Variants in RBFOX1 observed in about 807,000 individuals in gnomAD.
RBFOX1 encodes RNA binding fox-1 homolog 1, also known as RNA binding protein fox-1 homolog 1.
A neutral mutation model predicts 57.7 loss-of-function variants in RBFOX1; 8 were observed. That is an observed-to-expected ratio of 0.14 (90% confidence interval 0.08 to 0.25). RBFOX1 has a LOEUF of 0.25. Among genes scored for constraint, RBFOX1 ranks in the 10% least tolerant of loss-of-function variants. The probability of loss-of-function intolerance (pLI) is 1.00; values close to 1 mark genes in which losing one functional copy is unlikely to be tolerated. For missense variants in RBFOX1, 611 were observed against 548.5 expected (o/e 1.11, Z -1.14); for synonymous variants, 326 against 222.4 (o/e 1.47, Z -4.15).
At position 7,337,589 on chromosome 16, in the gene RBFOX1, C is replaced by A. The variant is rs549980813; in HGVS notation, c.28-180558C>A. On this transcript the variant is annotated intron_variant, in intron 4 of 15. Coordinates refer to ENST00000550418, the MANE Select transcript of RBFOX1 (RefSeq NM_018723.4). ...GGGAGGAATCTCAACAATGGAACTC[C>A]TAAGCACTGCGTCTCTGCAAGCTCA... is the stretch of plus-strand genomic sequence containing the variant. 2.0e-5 allele frequency among the ~76,000 whole-genome samples: 3 copies of A among 152,274 alleles called. No homozygotes were observed. The Middle Eastern group carries it at 0.01, about 518-fold the overall frequency.
intron 4 of RBFOX1, among the ~76,000 whole-genome samples, chr16:7,485,365 C>T (rs942478894): frequency 6.6e-6 from 1 of 152,236 alleles, no homozygotes; most frequent in Non-Finnish European, 1.5e-5. Context: ...AGACATTTTC[C>T]CATCCTCTGC....
intron 9 of RBFOX1, among the ~76,000 whole-genome samples, chr16:7,605,118 G>C (rs1012864848): frequency 1.3e-5 from 2 of 152,094 alleles, no homozygotes; most frequent in African/African-American, 4.8e-5. Context: ...TAGACTCCAA[G>C]TTGAAATGTA....
chr16:6,232,756 T>A (rs2152907301), intron 1 of RBFOX1, among the ~76,000 whole-genome samples: 1 of 152,326 alleles, frequency 6.6e-6, no homozygotes, highest in East Asian at 1.9e-4. Context: ...AGTTCATTAA[T>A]GCAGTGACCT....
intron 3 of RBFOX1, among the ~76,000 whole-genome samples, chr16:5,738,099 A>G (rs2052644886): frequency 2.0e-5 from 3 of 151,464 alleles, no homozygotes; most frequent in Admixed American, 2.0e-4. Flanking sequence ...GAGTGAGAAC[A>G]TGCAGTGTTT....
chr16:5,757,639 C>G (rs2053447907), intron 3 of RBFOX1, among the ~76,000 whole-genome samples: 2 of 151,930 alleles, frequency 1.3e-5, no homozygotes, highest in South Asian at 4.2e-4. Flanking sequence ...GTAGACGTGA[C>G]CCAGGAGGAA....
intron 3 of RBFOX1, among the ~76,000 whole-genome samples, chr16:5,648,418 C>G (rs1367664175): frequency 2.0e-5 from 3 of 152,164 alleles, no homozygotes; most frequent in Non-Finnish European, 4.4e-5. Flanking sequence ...AGAGGGGACA[C>G]TGGGCTGACA....
At position 7,233,340 on chromosome 16, in the gene RBFOX1, A is replaced by G. The variant is rs569469617; in HGVS notation, c.27+181242A>G. On this transcript the variant is annotated intron_variant, in intron 4 of 15. Transcript: ENST00000550418. ...TTAAAAGAATTATCCCAGCTCTTCT[A>G]TATTCTTTTCCATGACATGTTATTC... 3.4e-4 allele frequency among the ~76,000 whole-genome samples: 51 copies of G among 151,702 alleles called. 1 individual carries two copies. The highest frequency in any genetic ancestry group is 5.7e-4 in the Non-Finnish European group (39 of 67,980).
At chr16:7,477,273 C>T (rs777173336) in intron 4 of RBFOX1, among the ~76,000 whole-genome samples, 1 of 152,142 alleles carries the variant, frequency 6.6e-6, no homozygotes, top group African/African-American at 2.4e-5. Context: ...GGCAATGAGA[C>T]ACAGGCTTAT....
At chr16:7,119,466 C>T (rs527701314) in intron 4 of RBFOX1, among the ~76,000 whole-genome samples, 8 of 152,136 alleles carry the variant, frequency 5.3e-5, no homozygotes, top group Admixed American at 1.3e-4. Flanking sequence ...ACTGACAATT[C>T]AAAAATCCAT....
At chr16:7,541,067 C>T (rs929919944) in intron 5 of RBFOX1, among the ~76,000 whole-genome samples, 1 of 152,200 alleles carries the variant, frequency 6.6e-6, no homozygotes, top group Non-Finnish European at 1.5e-5. Context: ...GCACCCCTAA[C>T]CACACACCTG....
At chr16:5,616,652 C>G (rs1233306554) in intron 3 of RBFOX1, among the ~76,000 whole-genome samples, 1 of 143,304 alleles carries the variant, frequency 7.0e-6, no homozygotes, top group Non-Finnish European at 1.6e-5. Context: ...CCCTCCTCCT[C>G]TGCTTCCTCC....
intron 14 of RBFOX1, among the ~76,000 whole-genome samples, chr16:7,700,204 T>A (rs1055966526): frequency 1.2e-4 from 18 of 152,144 alleles, no homozygotes; most frequent in Non-Finnish European, 2.4e-4. Flanking sequence ...GGAAGCTCAC[T>A]GATCCCACAT....
rs924997263 is a variant in RBFOX1, at chr16:5,744,574, A to G, written c.319-122729A>G. On this transcript the variant is annotated intron_variant, in intron 3 of 19. Coordinates refer to the RBFOX1 transcript ENST00000641259. ...AAATTGGAGTATTTACAACACAGAC[A>G]TTGGCACACAATGTAAATCAGGGCT... Among the ~76,000 whole-genome samples the G allele has an allele frequency of 2.6e-5, 4 of 152,164 alleles. No homozygotes were observed. In the South Asian group the frequency reaches 6.2e-4, roughly 24 times the overall value.
At chr16:7,430,642 A>T (rs1389904228) in intron 4 of RBFOX1, among the ~76,000 whole-genome samples, 1 of 143,744 alleles carries the variant, frequency 7.0e-6, no homozygotes, top group Admixed American at 7.2e-5. Context: ...CCTGGGTGAC[A>T]GAGTGAGACT....
rs116616320 is a variant in RBFOX1, at chr16:6,873,601, A to G, written c.-15-178456A>G. ...ATTGAGTTAAACATATTACACGTCTAGTTTTTACTGGGATTGTGTAAGATT... is the reference window on the plus strand; with the variant it reads ...ATTGAGTTAAACATATTACACGTCTGGTTTTTACTGGGATTGTGTAAGATT... On this transcript the variant is annotated intron_variant, in intron 3 of 15. Transcript: ENST00000550418. 6.9e-3 allele frequency among the ~76,000 whole-genome samples: 1,055 copies of G among 152,284 alleles called. 11 individuals are homozygous for G. Among genetic ancestry groups the G allele is most frequent in the African/African-American group, 0.024 (995 of 41,564 alleles).
At chr16:6,320,014 G>A (rs1305220149) in intron 2 of RBFOX1, among the ~76,000 whole-genome samples, 8 of 151,810 alleles carry the variant, frequency 5.3e-5, no homozygotes, top group African/African-American at 1.9e-4. Context: ...GTCTTAATGA[G>A]GTATTATTGA....
intron 14 of RBFOX1, among the ~76,000 whole-genome samples, chr16:7,696,030 G>A (rs184966849): frequency 5.9e-5 from 9 of 152,288 alleles, no homozygotes; most frequent in Admixed American, 2.0e-4. Flanking sequence ...TGTTCTTCAC[G>A]TTTCCCAAAG....
At chr16:6,521,764 C>T (rs889426141) in intron 2 of RBFOX1, among the ~76,000 whole-genome samples, 1 of 151,984 alleles carries the variant, frequency 6.6e-6, no homozygotes, top group African/African-American at 2.4e-5. Context: ...GCTTTGTAAA[C>T]ATGATTTCTA....
intron 5 of RBFOX1, among the ~76,000 whole-genome samples, chr16:7,519,146 G>A (rs1344030376): frequency 1.3e-5 from 2 of 152,200 alleles, no homozygotes. Context: ...ATTGCCGGAT[G>A]CATCTAATTT....
Sources: gnomAD v4.1 joint callset for allele counts (sites outside exome capture counted in the v4.1 genomes callset) on GRCh38, gnomAD v4.1.1 for gene constraint, MANE v1.5 for transcripts, NCBI Gene and HGNC (gene_info 2026-07-23, HGNC 2026-07-21) for gene names.